MELK: variants seen among roughly 807,000 people sequenced by gnomAD.
The protein encoded by MELK is pEg3 kinase.
MELK carries 81 observed loss-of-function variants against 85.0 expected under a neutral mutation model. The ratio of observed to expected loss-of-function variants is 0.95; its 90% CI spans 0.80 to 1.15. The LOEUF (loss-of-function observed/expected upper bound fraction) is 1.15, where lower values mean the gene tolerates loss of function less well. MELK is among the 50% of genes most tolerant of loss of function. The probability of loss-of-function intolerance (pLI) is 0.00; values close to 1 mark genes in which losing one functional copy is unlikely to be tolerated. For synonymous variants in MELK, 252 were observed against 265.0 expected (o/e 0.95, Z 0.48); for missense variants, 754 against 777.5 (o/e 0.97, Z 0.36).
intron 4 of MELK, among the ~76,000 whole-genome samples, chr9:36,592,990 A>G (rs1587358624): frequency 6.6e-6 from 1 of 152,184 alleles, no homozygotes; most frequent in Non-Finnish European, 1.5e-5. Context: ...TCTGATTTCT[A>G]TCACAGCAGA....
At chr9:36,615,042 A>G (rs1383655271) in intron 8 of MELK, among the ~76,000 whole-genome samples, 14 of 140,446 alleles carry the variant, frequency 1.0e-4, no homozygotes, top group Non-Finnish European at 1.8e-4. Context: ...CACCTCCCGG[A>G]CGGGGCAGCT....
intron 17 of MELK, among the ~76,000 whole-genome samples, chr9:36,675,279 G>T (rs1303878558): frequency 6.6e-6 from 1 of 152,100 alleles, no homozygotes; most frequent in Non-Finnish European, 1.5e-5. Context: ...GCGAGACTCT[G>T]TCTCAAAAAA....
chr9:36,616,403 T>TTTTTTTTTTTTTTTTTTTTTC (rs1826798367), intron 8 of MELK, among the ~76,000 whole-genome samples: 1 of 151,088 alleles, frequency 6.6e-6, no homozygotes, highest in Non-Finnish European at 1.5e-5. Context: ...TTTTTTTTTT[T>TTTTTTTTTTTTTTTTTTTTTC]TTTTAAGGCA....
At chr9:36,606,643 A>G (rs1441394615) in intron 7 of MELK, among the ~76,000 whole-genome samples, 1 of 146,872 alleles carries the variant, frequency 6.8e-6, no homozygotes, top group Non-Finnish European at 1.5e-5. Flanking sequence ...ATATATGTAT[A>G]TATGGACACA....
intron 10 of MELK, among the ~76,000 whole-genome samples, chr9:36,641,406 A>T (rs958193115): frequency 6.6e-6 from 1 of 152,120 alleles, no homozygotes; most frequent in Non-Finnish European, 1.5e-5. Context: ...TGTTGCAATT[A>T]AAACTAAGGT....
intron 11 of MELK, among the ~76,000 whole-genome samples, chr9:36,647,199 A>G (rs974263163): frequency 6.6e-6 from 1 of 152,210 alleles, no homozygotes; most frequent in African/African-American, 2.4e-5. Flanking sequence ...AGGAAACTCC[A>G]TCTAAAACTC....
In MELK at chr9:36,630,321, A is replaced by G. The variant is rs1049660735; in HGVS notation, c.689A>G (p.Lys230Arg). 15 of 1,612,554 alleles carry G rather than the reference A, an allele frequency of 9.3e-6. No homozygotes were observed. Among genetic ancestry groups the G allele is most frequent in the East Asian group, 2.2e-5 (1 of 44,876 alleles). The change falls in exon 9 of 18, where the codon AAG becomes AGG. Residue 230 changes from lysine (K) to arginine (R), a missense_variant. Lys to Arg is a conservative substitution (Grantham distance 26). Coordinates refer to ENST00000298048, the MANE Select transcript of MELK (RefSeq NM_014791.4). Reference protein sequence around the residue: ...KIMRGKYDVPKWLSPSSILLL... With the variant: ...KIMRGKYDVPRWLSPSSILLL... ...TAGAGAGGAAAATATGATGTTCCCA[A>G]GTGGCTCTCTCCCAGTAGCATTCTG... is the stretch of plus-strand genomic sequence containing the variant.
chr9:36,670,945 C>A, intron 15 of MELK, 53 bp from the exon 16 acceptor site: 1 of 1,540,918 alleles, frequency 6.5e-7, no homozygotes, highest in Non-Finnish European at 8.7e-7. Flanking sequence ...CTTGTGGACC[C>A]CACAGGCCGG....
At chr9:36,613,707 A>T (rs1826264368) in intron 8 of MELK, among the ~76,000 whole-genome samples, 1 of 152,162 alleles carries the variant, frequency 6.6e-6, no homozygotes, top group African/African-American at 2.4e-5. Context: ...TAGGAGAAAA[A>T]TATTTCCGGC....
rs10972984 is a variant in MELK at position 36,588,271 on chromosome 9, T to C, written c.145-1265T>C. Among the ~76,000 whole-genome samples the C allele has an allele frequency of 2.0e-4, 30 of 149,766 alleles. No individual in the cohort carries two copies. In the East Asian group the frequency reaches 4.7e-3, roughly 23 times the overall value. On this transcript the variant is annotated intron_variant, in intron 3 of 17. Transcript: ENST00000298048. Reference sequence around the variant, plus strand: ...TTTTAGTAGAGACGGGCTTTCTCCATGTTGGCCAGGATGGTCCTGAACTCC... The same window carrying C: ...TTTTAGTAGAGACGGGCTTTCTCCACGTTGGCCAGGATGGTCCTGAACTCC...
At chr9:36,655,487 T>C (rs1437417180) in intron 12 of MELK, among the ~76,000 whole-genome samples, 1 of 148,630 alleles carries the variant, frequency 6.7e-6, no homozygotes, top group Non-Finnish European at 1.5e-5. Context: ...AGAACGCAAG[T>C]GAGCTGGAAG....
chr9:36,594,857 C>T, intron 5 of MELK, 86 bp downstream of exon 5: 1 of 1,415,148 alleles, frequency 7.1e-7, no homozygotes, highest in Non-Finnish European at 9.4e-7. Context: ...GATTAGGAAT[C>T]TATCTTTGGT....
At chr9:36,606,444 AATATATACATATGTATAGGTGTGTAT>A (rs1186260840) in intron 7 of MELK, among the ~76,000 whole-genome samples, 3 of 126,224 alleles carry the variant, frequency 2.4e-5, no homozygotes, top group African/African-American at 3.8e-5. Flanking sequence ...GTGTGTATAT[AATATATACATATGTATAGGTGTGTAT>A]ATATATACAT....
chr9:36,608,277 CAAAAAAAAAAAAAAA>C lies in MELK; in HGVS notation c.666+616_666+630del, dbSNP rs1161984583. 2.3e-4 allele frequency among the ~76,000 whole-genome samples: 9 copies of C among 38,924 alleles called. No individual in the cohort carries two copies. The East Asian group carries it at 6.0e-3, about 26-fold the overall frequency. 25.5% of individuals were successfully genotyped at this position (38,924 alleles called of 152,430 possible). The stretch of plus-strand genomic sequence containing the variant: ...TGGGCGACAGAGCAAGACTCTGTCT[CAAAAAAAAAAAAAAA>C]AAAAAAAAAAAGGCACATTCACATA... On this transcript the variant is annotated intron_variant, in intron 8 of 17. Transcript: ENST00000298048.
chr9:36,616,668 C>T (rs928589620), intron 8 of MELK, among the ~76,000 whole-genome samples: 25 of 152,086 alleles, frequency 1.6e-4, no homozygotes, highest in African/African-American at 5.8e-4. Flanking sequence ...GGATTACAGG[C>T]GTGAGCCACC....
intron 15 of MELK, among the ~76,000 whole-genome samples, chr9:36,670,167 T>G (rs1832759242): frequency 6.6e-6 from 1 of 152,188 alleles, no homozygotes; most frequent in Non-Finnish European, 1.5e-5. Context: ...TTTAGAACAT[T>G]ATCCGTTAGT....
chr9:36,638,971 C>T (rs1448045522), intron 10 of MELK, among the ~76,000 whole-genome samples: 1 of 152,178 alleles, frequency 6.6e-6, no homozygotes, highest in Admixed American at 6.5e-5. Flanking sequence ...TCAGGGCCCA[C>T]GTCCTGTGTA....
At chr9:36,609,447 C>CTTTTTT (rs58390406) in intron 8 of MELK, among the ~76,000 whole-genome samples, 1 of 132,748 alleles carries the variant, frequency 7.5e-6, no homozygotes, top group African/African-American at 2.8e-5. Flanking sequence ...CTTTCTTCTT[C>CTTTTTT]TTTTTTTTTT....
chr9:36,583,494 C>T (rs1482762249), intron 2 of MELK, 133 bp from the exon 3 acceptor site: 11 of 434,122 alleles, frequency 2.5e-5, no homozygotes, highest in Non-Finnish European at 7.9e-6. Flanking sequence ...GGATAACAAG[C>T]AGCAACAGGA....
Sources: allele counts gnomAD v4.1 joint callset (sites outside exome capture counted in the v4.1 genomes callset), GRCh38; gene constraint gnomAD v4.1.1; transcripts MANE v1.5; gene names NCBI Gene and HGNC (gene_info 2026-07-23, HGNC 2026-07-21).